The following TEX36 variants were observed in gnomAD, a reference collection of about 807,000 sequenced individuals.
The protein encoded by TEX36 is testis-expressed protein 36.
A neutral mutation model predicts 13.6 loss-of-function variants in TEX36; 12 were observed. That is an observed-to-expected ratio of 0.88 (90% CI 0.56 to 1.43). The LOEUF is 1.43. Among genes scored for constraint, TEX36 ranks in the 40% most tolerant of loss-of-function variants. The probability of loss-of-function intolerance (pLI) is 0.00; values close to 1 mark genes in which losing one functional copy is unlikely to be tolerated. For missense variants in TEX36, 224 were observed against 228.3 expected, an observed-to-expected ratio of 0.98 and a Z score of 0.12; for synonymous variants, 93 against 83.0, an observed-to-expected ratio of 1.12 and a Z score of -0.65.
At chr10:125,661,147 C>T (rs913926026) in intron 2 of TEX36, 46 bp from the exon 3 acceptor site, 2 of 1,460,114 alleles carry the variant, frequency 1.4e-6, no homozygotes, top group East Asian at 2.5e-5. Context: ...TAGAACCCTG[C>T]ATGCTTTCAG....
At chr10:125,615,990 C>T (rs2133555445) in intron 3 of TEX36, among the ~76,000 whole-genome samples, 1 of 152,286 alleles carries the variant, frequency 6.6e-6, no homozygotes, top group African/African-American at 2.4e-5. Context: ...AGAGATTCAA[C>T]TTCTTCCTGG....
intron 3 of TEX36, among the ~76,000 whole-genome samples, chr10:125,597,958 GTTAT>G (rs1170699847): frequency 6.6e-6 from 1 of 152,196 alleles, no homozygotes; most frequent in Non-Finnish European, 1.5e-5. Context: ...TATTTAGCGG[GTTAT>G]TTATTTACTT....
intron 3 of TEX36, among the ~76,000 whole-genome samples, chr10:125,634,654 A>G (rs1589764389): frequency 6.6e-6 from 1 of 152,206 alleles, no homozygotes; most frequent in African/African-American, 2.4e-5. Context: ...AACTTTGTAG[A>G]AGAAAATGAT....
intron 3 of TEX36, among the ~76,000 whole-genome samples, chr10:125,638,307 T>C (rs1290710710): frequency 6.6e-6 from 1 of 151,908 alleles, no homozygotes; most frequent in Non-Finnish European, 1.5e-5. Context: ...TCCCTCGGTC[T>C]ATAAGCACCA....
In TEX36 at chr10:125,602,099, C is replaced by T. The variant is rs189838707; in HGVS notation, c.265-25225G>A. On this transcript the variant is annotated intron_variant, in intron 3 of 3. Coordinates refer to the TEX36 transcript ENST00000532135. Reference sequence around the variant, plus strand: ...TGCCTCTATCTGCTGAGCAAGCCACCGCCCCTCTCTGTGCCTCAGCTTCCT... The same window carrying T: ...TGCCTCTATCTGCTGAGCAAGCCACTGCCCCTCTCTGTGCCTCAGCTTCCT... Among the ~76,000 whole-genome samples the T allele has an allele frequency of 2.6e-3, 390 of 152,242 alleles. 1 individual carries two copies. The highest frequency in any genetic ancestry group is 8.9e-3 in the African/African-American group (371 of 41,540).
downstream of TEX36, among the ~76,000 whole-genome samples, chr10:125,617,058 T>G (rs1402663593): frequency 6.6e-6 from 1 of 152,212 alleles, no homozygotes; most frequent in Non-Finnish European, 1.5e-5. Flanking sequence ...TTTGTCTCTT[T>G]TGATCTTTGT....
chr10:125,592,050 C>A (rs192389032), intron 3 of TEX36, among the ~76,000 whole-genome samples: 3 of 152,302 alleles, frequency 2.0e-5, no homozygotes, highest in African/African-American at 7.2e-5. Context: ...TCCTTGTTTG[C>A]AAACATGTAC....
chr10:125,666,664 G>A (rs527588452), intron 1 of TEX36, among the ~76,000 whole-genome samples: 11 of 151,980 alleles, frequency 7.2e-5, no homozygotes, highest in African/African-American at 2.2e-4. Flanking sequence ...TTCTCTCCCC[G>A]CCCCCCCTCC....
intron 3 of TEX36, among the ~76,000 whole-genome samples, chr10:125,657,412 G>C (rs7080402): frequency 0.026 from 3,997 of 152,180 alleles, 187 homozygotes; most frequent in African/African-American, 0.091. Flanking sequence ...AGGAGAGTGG[G>C]ACTGGAGGGA....
chr10:125,590,445 G>T (rs1364896284), intron 3 of TEX36, among the ~76,000 whole-genome samples: 5 of 152,060 alleles, frequency 3.3e-5, no homozygotes, highest in Non-Finnish European at 7.3e-5. Flanking sequence ...AAAAAAGGTG[G>T]GGGGCAGCTA....
At chr10:125,650,111 A>G (rs1389948767) in intron 3 of TEX36, among the ~76,000 whole-genome samples, 5 of 152,206 alleles carry the variant, frequency 3.3e-5, no homozygotes, top group Non-Finnish European at 7.3e-5. Context: ...TAACAAGGAT[A>G]CCCAGGAATT....
chr10:125,656,697 A>G (rs978018861), intron 3 of TEX36, among the ~76,000 whole-genome samples: 1 of 152,162 alleles, frequency 6.6e-6, no homozygotes, highest in Non-Finnish European at 1.5e-5. Flanking sequence ...AAACCCTGGC[A>G]GGGTTCTGTT....
rs1368826886 is a variant in TEX36 at position 125,680,384 on chromosome 10, C to T, written c.51+2555G>A. On this transcript the variant is annotated intron_variant, in intron 1 of 3. Coordinates refer to ENST00000368821, the MANE Select transcript of TEX36 (RefSeq NM_001128202.3). ...AAAAATGGCTCTAGCGTTTTAATTT[C>T]GCTCTTTTAAAATATATATTTAATG... Among the ~76,000 whole-genome samples, 5 of 152,138 alleles carry T rather than the reference C, an allele frequency of 3.3e-5. No homozygotes were observed. In the East Asian group the frequency reaches 7.7e-4, roughly 23 times the overall value.
intron 3 of TEX36, among the ~76,000 whole-genome samples, chr10:125,634,228 T>C (rs887070297): frequency 1.3e-5 from 2 of 152,132 alleles, no homozygotes; most frequent in Non-Finnish European, 2.9e-5. Flanking sequence ...GGACTTAAAA[T>C]ATAGAGAGTG....
chr10:125,610,806 C>T lies in TEX36; in HGVS notation c.265-33932G>A, dbSNP rs1386237258. ...TAAAAGTTTTTAGTTTTTCTTTTCA[C>T]GATTGTTCTTTCATCTGGAATTTAC... On this transcript the variant is annotated intron_variant, in intron 3 of 3. Coordinates refer to the TEX36 transcript ENST00000532135. Among the ~76,000 whole-genome samples the T allele has an allele frequency of 8.5e-5, 13 of 152,234 alleles. No homozygotes were observed. The East Asian group carries it at 1.5e-3, about 18-fold the overall frequency.
At chr10:125,598,379 G>C (rs533799590) in intron 3 of TEX36, among the ~76,000 whole-genome samples, 1 of 152,230 alleles carries the variant, frequency 6.6e-6, no homozygotes, top group African/African-American at 2.4e-5. Context: ...ACCCTGTCTG[G>C]GTGATGCTGA....
intron 3 of TEX36, among the ~76,000 whole-genome samples, chr10:125,598,892 A>T (rs922553881): frequency 6.6e-6 from 1 of 152,202 alleles, no homozygotes; most frequent in Non-Finnish European, 1.5e-5. Context: ...CCAAAAATTT[A>T]TAATTGGTCC....
chr10:125,679,773 C>G (rs1290455451), intron 1 of TEX36, among the ~76,000 whole-genome samples: 1 of 152,196 alleles, frequency 6.6e-6, no homozygotes. Context: ...TGCCTGTACA[C>G]TATTTTGGTT....
chr10:125,671,783 C>G (rs971430422), intron 1 of TEX36, among the ~76,000 whole-genome samples: 5 of 152,084 alleles, frequency 3.3e-5, no homozygotes, highest in African/African-American at 1.2e-4. Flanking sequence ...GGTTGGTAGG[C>G]TATTAATTAC....
Sources: allele counts gnomAD v4.1 joint callset (sites outside exome capture counted in the v4.1 genomes callset), GRCh38; gene constraint gnomAD v4.1.1; transcripts MANE v1.5; gene names NCBI Gene and HGNC (gene_info 2026-07-23, HGNC 2026-07-21).